Variants in SLC24A2 observed in about 807,000 individuals in gnomAD.
SLC24A2 encodes the protein sodium/potassium/calcium exchanger 2.
Under a neutral mutation model 62.0 loss-of-function variants are expected in SLC24A2, and 36 were observed. That is an observed-to-expected ratio of 0.58 (90% CI 0.44 to 0.77). The LOEUF (loss-of-function observed/expected upper bound fraction) is 0.77, where lower values mean the gene tolerates loss of function less well. SLC24A2 is among the 30% of genes least tolerant of loss of function. SLC24A2 has a pLI of 0.00. For synonymous variants in SLC24A2, 358 were observed against 294.0 expected, an observed-to-expected ratio of 1.22 and a Z score of -2.23; for missense variants, 846 against 817.9, an observed-to-expected ratio of 1.03 and a Z score of -0.42.
chr9:19,829,090 G>C, the SLC24A2 span, among the ~76,000 whole-genome samples: 1 of 152,064 alleles, frequency 6.6e-6, no homozygotes, highest in Non-Finnish European at 1.5e-5. Flanking sequence ...CTCTACACAA[G>C]AAATCTAACT....
the SLC24A2 span, among the ~76,000 whole-genome samples, chr9:19,951,608 A>G: frequency 8.1e-4 from 123 of 152,234 alleles, 2 homozygotes; most frequent in East Asian, 0.018. Flanking sequence ...AGTTTGTTAA[A>G]AGACACTATC....
At chr9:20,096,854 G>C in the SLC24A2 span, among the ~76,000 whole-genome samples, 2 of 152,042 alleles carry the variant, frequency 1.3e-5, no homozygotes, top group Admixed American at 1.3e-4. Context: ...AGAAAGCACT[G>C]TGGTTTGGTG....
At chr9:19,923,905 G>A in the SLC24A2 span, among the ~76,000 whole-genome samples, 1 of 152,140 alleles carries the variant, frequency 6.6e-6, no homozygotes, top group Non-Finnish European at 1.5e-5. Context: ...GCACCACCAT[G>A]TCTGGCTAAT....
chr9:20,100,085 T>G, the SLC24A2 span, among the ~76,000 whole-genome samples: 908 of 152,148 alleles, frequency 6.0e-3, 11 homozygotes, highest in Admixed American at 0.014. Context: ...GTGGTGCAAT[T>G]GACAGCCTCG....
chr9:20,278,946 A>G, the SLC24A2 span, among the ~76,000 whole-genome samples: 1 of 152,212 alleles, frequency 6.6e-6, no homozygotes, highest in Admixed American at 6.5e-5. Context: ...CACAAGGATT[A>G]GGAGGCCTCA....
At chr9:19,889,160 A>G in the SLC24A2 span, among the ~76,000 whole-genome samples, 3 of 152,124 alleles carry the variant, frequency 2.0e-5, no homozygotes, top group Admixed American at 2.0e-4. Flanking sequence ...TCTCTGCACA[A>G]AGTTCTCCTG....
chr9:20,226,291 T>A, the SLC24A2 span, among the ~76,000 whole-genome samples: 2 of 152,162 alleles, frequency 1.3e-5, no homozygotes, highest in African/African-American at 4.8e-5. Flanking sequence ...TTCTTCCAGC[T>A]CATTTTGGCT....
Position 19,619,593 on chromosome 9 carries a change from G to A in SLC24A2, c.1069C>T (p.Leu357Phe). The A allele has an allele frequency of 6.2e-7, 1 of 1,612,826 alleles. No individual in the cohort carries two copies. The highest frequency in any genetic ancestry group is 8.5e-7 in the Non-Finnish European group (1 of 1,178,786). Residue 357 changes from leucine to phenylalanine, a missense_variant, in exon 4 of 11, where the codon CTC (leucine) becomes TTC (phenylalanine). By Grantham distance (22) the Leu-to-Phe change is conservative. Transcript: ENST00000341998. ...FQLMIHTLDPLAEELGSYGKL... is the reference protein window; with the variant it reads ...FQLMIHTLDPFAEELGSYGKL... ...AAAGCTTGATGTTTACCTTCGGCGAGTGGGTCAAGGGTGTGTATCATGAGT... is the reference window on the plus strand; with the variant it reads ...AAAGCTTGATGTTTACCTTCGGCGAATGGGTCAAGGGTGTGTATCATGAGT...
In SLC24A2 at chr9:19,550,191, A is replaced by G; in HGVS notation, c.1425T>C (p.Ile475=). The G allele has an allele frequency of 3.1e-6, 5 of 1,614,184 alleles. No homozygotes were observed. The highest frequency in any genetic ancestry group is 3.4e-6 in the Non-Finnish European group (4 of 1,179,994). The part of the protein sequence containing the change: ...SETRKQVTFL[I]VFPIVFPLWI... ...AGAGAGGAAACACTATGGGGAAAAC[A>G]ATCAGAAACGTGACTTGCTTGCGGG... The change falls in exon 8 of 11, where the codon ATT becomes ATC. Residue 475 remains isoleucine (I), a synonymous_variant. Coordinates refer to ENST00000341998, the MANE Select transcript of SLC24A2 (RefSeq NM_020344.4).
At chr9:19,668,048 T>C (rs558005002) in intron 2 of SLC24A2, among the ~76,000 whole-genome samples, 5 of 152,258 alleles carry the variant, frequency 3.3e-5, no homozygotes, top group South Asian at 2.1e-4. Context: ...CTTGGCCACA[T>C]TGGAAGCTCC....
chr9:20,290,560 C>G, the SLC24A2 span, among the ~76,000 whole-genome samples: 1 of 152,216 alleles, frequency 6.6e-6, no homozygotes, highest in African/African-American at 2.4e-5. Flanking sequence ...ACAGAGAAAG[C>G]TTAGCGCTTT....
At chr9:20,013,435 A>G in the SLC24A2 span, among the ~76,000 whole-genome samples, 1 of 152,196 alleles carries the variant, frequency 6.6e-6, no homozygotes, top group Non-Finnish European at 1.5e-5. Flanking sequence ...AAACTTAAAT[A>G]TAGGACCTGA....
chr9:20,049,079 C>G, the SLC24A2 span, among the ~76,000 whole-genome samples: 33,731 of 152,044 alleles, frequency 0.22, 3,938 homozygotes, highest in Middle Eastern at 0.28. Context: ...CTTTAGAGGA[C>G]AAGTATCATT....
At chr9:19,708,441 T>C (rs753137228) in intron 2 of SLC24A2, among the ~76,000 whole-genome samples, 5 of 152,128 alleles carry the variant, frequency 3.3e-5, no homozygotes, top group African/African-American at 7.2e-5. Flanking sequence ...AGAGCCTGCA[T>C]CACCAAGTCA....
intron 8 of SLC24A2, among the ~76,000 whole-genome samples, chr9:19,534,519 C>G (rs1346561815): frequency 3.3e-5 from 5 of 152,018 alleles, no homozygotes; most frequent in Admixed American, 2.6e-4. Context: ...CCCCCCACCC[C>G]TTGACAGGCT....
At chr9:20,214,448 T>G in the SLC24A2 span, among the ~76,000 whole-genome samples, 1 of 151,806 alleles carries the variant, frequency 6.6e-6, no homozygotes, top group East Asian at 1.9e-4. Flanking sequence ...CCATCTCTGC[T>G]AAACAATACA....
chr9:20,062,402 T>C, the SLC24A2 span, among the ~76,000 whole-genome samples: 3 of 78,222 alleles, frequency 3.8e-5, no homozygotes, highest in South Asian at 4.5e-4. Flanking sequence ...AAGGATTCCC[T>C]ATTAATAAAT....
At chr9:19,826,171 TGC>T in the SLC24A2 span, among the ~76,000 whole-genome samples, 12 of 51,424 alleles carry the variant, frequency 2.3e-4, no homozygotes, top group Non-Finnish European at 1.1e-4. Flanking sequence ...AATGATGCAT[TGC>T]AAAAAAAAAA....
At chr9:19,575,169 ATTTAC>A (rs1444878783) in intron 6 of SLC24A2, among the ~76,000 whole-genome samples, 3 of 152,204 alleles carry the variant, frequency 2.0e-5, no homozygotes, top group East Asian at 1.9e-4. Flanking sequence ...AGAAACTCAA[ATTTAC>A]TTTATCTTTC....
Sources: gnomAD v4.1 joint callset for allele counts (sites outside exome capture counted in the v4.1 genomes callset) on GRCh38, gnomAD v4.1.1 for gene constraint, MANE v1.5 for transcripts, NCBI Gene and HGNC (gene_info 2026-07-23, HGNC 2026-07-21) for gene names.